The following MAP3K5 variants were observed in gnomAD, a reference collection of about 807,000 sequenced individuals.
MAP3K5 encodes mitogen-activated protein kinase kinase kinase 5.
Under a neutral mutation model 158.7 loss-of-function variants are expected in MAP3K5, and 56 were observed. The ratio of observed to expected loss-of-function variants is 0.35; its 90% CI spans 0.28 to 0.44. The LOEUF is 0.44. MAP3K5 is among the 20% of genes least tolerant of loss of function. The pLI, the probability that MAP3K5 is intolerant of heterozygous loss-of-function variation, is 1.00. For synonymous variants in MAP3K5, 579 were observed against 601.7 expected (o/e 0.96, Z 0.55); for missense variants, 1,294 against 1,674.8 (o/e 0.77, Z 3.97).
intron 1 of MAP3K5, among the ~76,000 whole-genome samples, chr6:136,784,107 T>G (rs574555937): frequency 1.4e-3 from 218 of 152,232 alleles, no homozygotes; most frequent in Non-Finnish European, 2.2e-3. Flanking sequence ...AAGCCTGTGT[T>G]ATGCGCTTAT....
At chr6:136,628,341 G>A (rs1777141762) in intron 14 of MAP3K5, among the ~76,000 whole-genome samples, 1 of 151,866 alleles carries the variant, frequency 6.6e-6, no homozygotes, top group African/African-American at 2.4e-5. Context: ...TTGAACTCCT[G>A]GCCTCAACTG....
chr6:136,676,327 A>C lies in MAP3K5; in HGVS notation c.1254-6932T>G, dbSNP rs377243294. On this transcript the variant is annotated intron_variant, in intron 7 of 29. Transcript: ENST00000359015. ...TGGTAAATACGTCAGTTCATACAAG[A>C]TACAAATAATCTTTTAACTTCCTTC... Among the ~76,000 whole-genome samples, 13 of 152,346 alleles carry C rather than the reference A, an allele frequency of 8.5e-5. No homozygotes were observed. In the East Asian group the frequency reaches 1.7e-3, roughly 20 times the overall value.
At chr6:136,720,712 CTTCAT>C in intron 1 of MAP3K5, 123 bp from the exon 2 acceptor site, 2 of 699,972 alleles carry the variant, frequency 2.9e-6, no homozygotes, top group South Asian at 2.2e-5. Flanking sequence ...GATTTTCTCT[CTTCAT>C]TTATCACTGA....
chr6:136,750,481 T>C (rs1438239537), intron 1 of MAP3K5, among the ~76,000 whole-genome samples: 1 of 152,222 alleles, frequency 6.6e-6, no homozygotes, highest in Non-Finnish European at 1.5e-5. Context: ...GTGAGGTGTT[T>C]TGCAGGACTG....
chr6:136,571,748 A>G (rs1257540192), intron 25 of MAP3K5, among the ~76,000 whole-genome samples: 1 of 152,146 alleles, frequency 6.6e-6, no homozygotes, highest in African/African-American at 2.4e-5. Flanking sequence ...TCCTTCTTTT[A>G]GTTTTTTTGA....
At chr6:136,573,697 G>A (rs1208606993) in intron 25 of MAP3K5, among the ~76,000 whole-genome samples, 4 of 152,106 alleles carry the variant, frequency 2.6e-5, no homozygotes, top group East Asian at 3.9e-4. Flanking sequence ...AAGCTCAAAC[G>A]ATGGCCCAGG....
At chr6:136,750,785 T>C (rs1783172141) in intron 1 of MAP3K5, among the ~76,000 whole-genome samples, 1 of 152,238 alleles carries the variant, frequency 6.6e-6, no homozygotes, top group African/African-American at 2.4e-5. Context: ...AAAGTCATCC[T>C]GAGTCCTAGT....
In MAP3K5 at chr6:136,659,382, G is replaced by A. The variant is rs1778907158; in HGVS notation, c.1367-4C>T. On this transcript the variant is annotated splice_region_variant and splice_polypyrimidine_tract_variant and intron_variant, in intron 8 of 29. Coordinates refer to ENST00000359015, the MANE Select transcript of MAP3K5 (RefSeq NM_005923.4). ...AGAAGACTACTTAGCTTCACCCCTA[G>A]AATACAAACAGGAAGTAGAATGTTA... 1.2e-6 allele frequency: 2 copies of A among 1,613,336 alleles called. No individual in the cohort carries two copies. The highest frequency in any genetic ancestry group is 1.7e-6 in the Non-Finnish European group (2 of 1,179,782).
chr6:136,648,458 G>A (rs1423055929), intron 11 of MAP3K5, among the ~76,000 whole-genome samples: 1 of 152,158 alleles, frequency 6.6e-6, no homozygotes, highest in African/African-American at 2.4e-5. Flanking sequence ...GAAAGATGCT[G>A]CTCGGTATTG....
rs1583291355 is a variant in MAP3K5 at position 136,624,545 on chromosome 6, T to A, written c.2017-1564A>T. On this transcript the variant is annotated intron_variant, in intron 14 of 29. Transcript: ENST00000359015. ...AAAATATATTATAACTGATTACATA[T>A]TAGACAACAAAGAAAAATTTCAACA... 2.0e-5 allele frequency among the ~76,000 whole-genome samples: 3 copies of A among 152,114 alleles called. No individual in the cohort carries two copies. The South Asian group carries it at 6.2e-4, about 32-fold the overall frequency.
intron 7 of MAP3K5, among the ~76,000 whole-genome samples, chr6:136,674,360 C>A (rs1038459322): frequency 2.6e-5 from 4 of 151,914 alleles, no homozygotes; most frequent in African/African-American, 9.7e-5. Context: ...AGTTTCTTTC[C>A]TTGTTCAGGA....
chr6:136,592,661 T>C, intron 21 of MAP3K5, 47 bp from the exon 22 acceptor site: 1 of 1,497,454 alleles, frequency 6.7e-7, no homozygotes, highest in East Asian at 2.3e-5. Flanking sequence ...CTTTAAAAAA[T>C]GTACACATAC....
chr6:136,586,000 T>C (rs1298279160), intron 23 of MAP3K5, among the ~76,000 whole-genome samples: 1 of 152,188 alleles, frequency 6.6e-6, no homozygotes, highest in Non-Finnish European at 1.5e-5. Flanking sequence ...TCTATTAAAA[T>C]AAAAAAGAAA....
chr6:136,614,109 C>T (rs774683383), intron 16 of MAP3K5, 50 bp downstream of exon 16: 3 of 1,592,596 alleles, frequency 1.9e-6, no homozygotes, highest in East Asian at 2.2e-5. Context: ...TTTTACTCCC[C>T]TCCGAAGCTC....
At chr6:136,606,508 A>G (rs992390059) in intron 18 of MAP3K5, among the ~76,000 whole-genome samples, 48 of 152,330 alleles carry the variant, frequency 3.2e-4, no homozygotes, top group African/African-American at 1.1e-3. Context: ...CCAGGTAAAC[A>G]CTTAAGTACA....
At chr6:136,758,263 G>A (rs113980530) in intron 1 of MAP3K5, among the ~76,000 whole-genome samples, 2 of 151,868 alleles carry the variant, frequency 1.3e-5, no homozygotes, top group African/African-American at 2.4e-5. Context: ...TAATATTTTA[G>A]AGCACTAAAA....
At chr6:136,607,316 A>T (rs1776143988) in intron 18 of MAP3K5, among the ~76,000 whole-genome samples, 1 of 152,170 alleles carries the variant, frequency 6.6e-6, no homozygotes, top group African/African-American at 2.4e-5. Flanking sequence ...AACATCGTAA[A>T]TTAGACAATT....
intron 7 of MAP3K5, among the ~76,000 whole-genome samples, chr6:136,688,474 T>C (rs1289459459): frequency 2.6e-5 from 4 of 152,248 alleles, no homozygotes; most frequent in Non-Finnish European, 5.9e-5. Context: ...CTGTTCTTAA[T>C]AGAAAATAAA....
At chr6:136,706,662 C>T in intron 2 of MAP3K5, among the ~76,000 whole-genome samples, 1 of 152,102 alleles carries the variant, frequency 6.6e-6, no homozygotes, top group East Asian at 1.9e-4. Context: ...CGAGGCCCGG[C>T]TGAGTGGCCA....
Sources: allele counts gnomAD v4.1 joint callset (sites outside exome capture counted in the v4.1 genomes callset), GRCh38; gene constraint gnomAD v4.1.1; transcripts MANE v1.5; gene names NCBI Gene and HGNC (gene_info 2026-07-23, HGNC 2026-07-21).